Variants in JAKMIP2 observed in about 807,000 individuals in gnomAD.
JAKMIP2 encodes janus kinase and microtubule interacting protein 2.
In JAKMIP2, 25 loss-of-function variants were observed where a neutral mutation model predicts 115.0. That is an observed-to-expected ratio of 0.22 (90% CI 0.16 to 0.30). The LOEUF is 0.30. Ranked by LOEUF, JAKMIP2 falls within the 10% of genes least tolerant of loss-of-function variation. The pLI is 1.00. For missense variants in JAKMIP2, 642 were observed against 957.6 expected, an observed-to-expected ratio of 0.67 and a Z score of 4.35; for synonymous variants, 334 against 343.6, an observed-to-expected ratio of 0.97 and a Z score of 0.31.
At chr5:147,656,594 G>A (rs1208166268) in intron 3 of JAKMIP2, among the ~76,000 whole-genome samples, 1 of 152,056 alleles carries the variant, frequency 6.6e-6, no homozygotes, top group East Asian at 1.9e-4. Context: ...CATGTGAGAT[G>A]GGTCTCCTGA....
Position 147,767,767 on chromosome 5 carries a change from T to C in JAKMIP2, c.-149+14689A>G, listed in dbSNP as rs112265167. On this transcript the variant is annotated intron_variant, in intron 1 of 21. Coordinates refer to ENST00000616793, the MANE Select transcript of JAKMIP2 (RefSeq NM_001270941.2). ...ATTCACATGCAAGAAACGGTTCAAA[T>C]TGGAAAAAAATCTTTAAAAAGCCAT... 5.9e-5 allele frequency among the ~76,000 whole-genome samples: 9 copies of C among 152,268 alleles called. 1 individual carries two copies. Among genetic ancestry groups the C allele is most frequent in the African/African-American group, 1.4e-4 (6 of 41,566 alleles).
At chr5:147,708,447 C>T (rs1361316419) in intron 1 of JAKMIP2, among the ~76,000 whole-genome samples, 1 of 152,156 alleles carries the variant, frequency 6.6e-6, no homozygotes, top group African/African-American at 2.4e-5. Flanking sequence ...CATTCCAAAA[C>T]ACTGACTTAA....
chr5:147,772,685 A>G (rs1755407607), intron 1 of JAKMIP2, among the ~76,000 whole-genome samples: 1 of 152,130 alleles, frequency 6.6e-6, no homozygotes, highest in Non-Finnish European at 1.5e-5. Flanking sequence ...TCAGGTTTAC[A>G]AACACTTTTC....
At chr5:147,782,394 TATACACAGGTCAAATAAGA>T in intron 1 of JAKMIP2, 43 bp downstream of exon 1, 1 of 1,501,296 alleles carries the variant, frequency 6.7e-7, no homozygotes, top group Non-Finnish European at 9.0e-7. Context: ...GCCAGAAATG[TATACACAGGTCAAATAAGA>T]ACACTCTAAA....
intron 1 of JAKMIP2, among the ~76,000 whole-genome samples, chr5:147,708,635 A>G (rs1052974394): frequency 6.6e-6 from 1 of 152,098 alleles, no homozygotes; most frequent in African/African-American, 2.4e-5. Flanking sequence ...TGCTCCCCCT[A>G]CCACATTTCA....
chr5:147,632,853 C>T, intron 12 of JAKMIP2, 75 bp from the exon 13 acceptor site: 1 of 838,848 alleles, frequency 1.2e-6, no homozygotes, highest in Non-Finnish European at 2.0e-6. Context: ...GAATAGTGTT[C>T]AGTTTACTCA....
chr5:147,675,286 T>A (rs1315442625), intron 1 of JAKMIP2, among the ~76,000 whole-genome samples: 1 of 152,062 alleles, frequency 6.6e-6, no homozygotes, highest in African/African-American at 2.4e-5. Context: ...GAAAAAAGCA[T>A]CACAGGAAGT....
In JAKMIP2 at chr5:147,601,601, T is replaced by TCAAAA. The variant is rs111740872; in HGVS notation, c.*20+135_*20+139dup. 431 of 439,824 alleles carry TCAAAA rather than the reference T, an allele frequency of 9.8e-4. 4 individuals carry two copies. Among genetic ancestry groups the TCAAAA allele is most frequent in the African/African-American group, 8.4e-3 (393 of 46,658 alleles). 27.2% of individuals were successfully genotyped at this position (439,824 alleles called of 1,614,324 possible). On this transcript the variant is annotated intron_variant, in intron 21 of 21. Transcript: ENST00000616793. ...CTGGGTGACAGAACAAGACTCTGTC[T>TCAAAA]CAAAACAAAACAAAACAAAACAAAA...
chr5:147,698,252 A>AT (rs1752185000), intron 1 of JAKMIP2, among the ~76,000 whole-genome samples: 1 of 152,124 alleles, frequency 6.6e-6, no homozygotes. Context: ...GAACAGGTGT[A>AT]TTTACCCAAT....
chr5:147,739,247 T>C (rs1179785185), intron 1 of JAKMIP2, among the ~76,000 whole-genome samples: 2 of 152,016 alleles, frequency 1.3e-5, no homozygotes, highest in African/African-American at 4.8e-5. Context: ...GCGGCTTTCC[T>C]GGGAGGGTGG....
At chr5:147,722,754 A>G (rs796664173) in intron 1 of JAKMIP2, among the ~76,000 whole-genome samples, 36 of 152,274 alleles carry the variant, frequency 2.4e-4, no homozygotes, top group African/African-American at 8.4e-4. Context: ...ATGAAACAAG[A>G]CTACCTATCA....
At chr5:147,706,989 ACCTG>A (rs1386135672) in intron 1 of JAKMIP2, among the ~76,000 whole-genome samples, 1 of 152,180 alleles carries the variant, frequency 6.6e-6, no homozygotes, top group Non-Finnish European at 1.5e-5. Context: ...TAATGTATTT[ACCTG>A]TGTGTTATAC....
intron 1 of JAKMIP2, among the ~76,000 whole-genome samples, chr5:147,755,262 T>C (rs1754703368): frequency 7.0e-6 from 1 of 142,640 alleles, no homozygotes; most frequent in African/African-American, 2.5e-5. Flanking sequence ...GATTAGGATG[T>C]CCCCCCTTTT....
At chr5:147,663,075 A>T (rs571227497) in intron 2 of JAKMIP2, among the ~76,000 whole-genome samples, 1 of 152,320 alleles carries the variant, frequency 6.6e-6, no homozygotes, top group Admixed American at 6.5e-5. Flanking sequence ...AGTCTCCACC[A>T]TCTGTAAAAT....
chr5:147,656,219 C>G (rs1302242924), intron 3 of JAKMIP2, among the ~76,000 whole-genome samples: 1 of 152,206 alleles, frequency 6.6e-6, no homozygotes, highest in Non-Finnish European at 1.5e-5. Flanking sequence ...TGATCCAGAG[C>G]TGAGTTGAAG....
rs147081668 is a variant in JAKMIP2, at chr5:147,632,750, C to T, written c.1706G>A (p.Arg569Gln). The T allele has an allele frequency of 2.6e-5, 42 of 1,612,826 alleles. No individual in the cohort carries two copies. The highest frequency in any genetic ancestry group is 1.2e-4 in the Admixed American group (7 of 59,892). The change falls in exon 13 of 22, where the codon CGG (arginine) becomes CAG (glutamine). Residue 569 changes from arginine (R) to glutamine (Q), a missense_variant. Transcript: ENST00000616793. The stretch of plus-strand genomic sequence containing the variant: ...GGCGTCCTGTAGTTCTTGTTGTAAC[C>T]GGTGATTTTCTGCCTCCTGTTTTTC... Reference protein sequence around the residue: ...KIEKQEAENHRLQQELQDARD... With the variant: ...KIEKQEAENHQLQQELQDARD...
chr5:147,666,606 C>G (rs1247665965), intron 2 of JAKMIP2, among the ~76,000 whole-genome samples: 1 of 152,174 alleles, frequency 6.6e-6, no homozygotes, highest in Non-Finnish European at 1.5e-5. Context: ...AAGTGAGAAA[C>G]AGTCTTTACA....
At chr5:147,726,339 G>T (rs745458234) in intron 1 of JAKMIP2, among the ~76,000 whole-genome samples, 1 of 152,276 alleles carries the variant, frequency 6.6e-6, no homozygotes, top group African/African-American at 2.4e-5. Context: ...TTTGTGTTGC[G>T]GTTTGGCCCC....
intron 1 of JAKMIP2, among the ~76,000 whole-genome samples, chr5:147,700,748 C>A (rs1752293427): frequency 6.6e-6 from 1 of 152,192 alleles, no homozygotes; most frequent in African/African-American, 2.4e-5. Flanking sequence ...ATCTTCAGAT[C>A]ACCTCTGGAA....
Sources: gnomAD v4.1 joint callset for allele counts (sites outside exome capture counted in the v4.1 genomes callset) on GRCh38, gnomAD v4.1.1 for gene constraint, MANE v1.5 for transcripts, NCBI Gene and HGNC (gene_info 2026-07-23, HGNC 2026-07-21) for gene names.